The following CNTN3 variants were observed in gnomAD, a reference collection of about 807,000 sequenced individuals.
The protein encoded by CNTN3 is contactin-3.
Under a neutral mutation model 119.1 loss-of-function variants are expected in CNTN3, and 60 were observed. The observed-to-expected ratio is 0.50, with a 90% CI of 0.41 to 0.62. The LOEUF is 0.62. CNTN3 is among the 20% of genes least tolerant of loss of function. The probability of loss-of-function intolerance (pLI) is 0.00; values close to 1 mark genes in which losing one functional copy is unlikely to be tolerated. For missense variants in CNTN3, 1,101 were observed against 1,242.4 expected, an observed-to-expected ratio of 0.89 and a Z score of 1.71; for synonymous variants, 450 against 438.7, an observed-to-expected ratio of 1.03 and a Z score of -0.32.
chr3:74,301,355 A>G, intron 16 of CNTN3, 43 bp downstream of exon 16: 3 of 1,589,154 alleles, frequency 1.9e-6, no homozygotes, highest in Non-Finnish European at 2.6e-6. Flanking sequence ...ATGGAAGTAC[A>G]CAGAAATCTA....
chr3:74,453,951 T>G (rs540612614), intron 4 of CNTN3, among the ~76,000 whole-genome samples: 1 of 151,942 alleles, frequency 6.6e-6, no homozygotes, highest in Non-Finnish European at 1.5e-5. Flanking sequence ...AATTTTGGAA[T>G]AGGTGTGGTG....
chr3:74,545,296 G>C (rs1014612108), intron 1 of CNTN3, among the ~76,000 whole-genome samples: 1 of 152,066 alleles, frequency 6.6e-6, no homozygotes, highest in Non-Finnish European at 1.5e-5. Flanking sequence ...GCCAATTTAG[G>C]CTCTTCAAAA....
At chr3:74,546,059 G>C (rs1315023731) in intron 1 of CNTN3, among the ~76,000 whole-genome samples, 1 of 151,652 alleles carries the variant, frequency 6.6e-6, no homozygotes, top group Non-Finnish European at 1.5e-5. Flanking sequence ...GCAGTGGCGC[G>C]ATCTCGGCTC....
At chr3:74,358,776 A>G (rs1704007440) in intron 11 of CNTN3, among the ~76,000 whole-genome samples, 1 of 100,550 alleles carries the variant, frequency 9.9e-6, no homozygotes, top group African/African-American at 4.0e-5. Flanking sequence ...CCACCCCACA[A>G]CAGTCCCCAG....
chr3:74,304,115 A>G (rs1366608461), intron 13 of CNTN3, among the ~76,000 whole-genome samples: 2 of 152,166 alleles, frequency 1.3e-5, no homozygotes, highest in African/African-American at 4.8e-5. Context: ...ATTGCTTCCC[A>G]TCTTTAGGAT....
At chr3:74,438,195 T>C (rs1187563341) in intron 4 of CNTN3, among the ~76,000 whole-genome samples, 1 of 152,182 alleles carries the variant, frequency 6.6e-6, no homozygotes, top group Non-Finnish European at 1.5e-5. Context: ...TTTTTAATAG[T>C]GTAGATTAAA....
intron 3 of CNTN3, among the ~76,000 whole-genome samples, chr3:74,496,918 A>G (rs935243018): frequency 2.6e-5 from 4 of 152,030 alleles, no homozygotes; most frequent in African/African-American, 9.7e-5. Context: ...ATAAAAACAA[A>G]GACAAGATCA....
rs1309672196 is a variant in CNTN3 at position 74,278,743 on chromosome 3, CAA to C, written c.2704+6560_2704+6561del. ...AACCCAAAAGCAAATGCAATAAAAA[CAA>C]GGATAAACAGCTGGAACTTAATTAA... On this transcript the variant is annotated intron_variant, in intron 20 of 22. Coordinates refer to ENST00000263665, the MANE Select transcript of CNTN3 (RefSeq NM_020872.3). Among the ~76,000 whole-genome samples the C allele has an allele frequency of 2.0e-5, 3 of 152,064 alleles. No individual in the cohort carries two copies. In the East Asian group the frequency reaches 5.8e-4, roughly 29 times the overall value.
At chr3:74,391,514 C>G (rs1003587381) in intron 5 of CNTN3, among the ~76,000 whole-genome samples, 3 of 149,148 alleles carry the variant, frequency 2.0e-5, no homozygotes, top group African/African-American at 7.5e-5. Flanking sequence ...AAATTAAATG[C>G]TCAATAAATG....
chr3:74,509,489 G>A lies in CNTN3; in HGVS notation c.56-9704C>T, dbSNP rs1703325755. Among the ~76,000 whole-genome samples, 4 of 152,178 alleles carry A rather than the reference G, an allele frequency of 2.6e-5. No homozygotes were observed. The South Asian group carries it at 8.3e-4, about 32-fold the overall frequency. On this transcript the variant is annotated intron_variant, in intron 2 of 22. Coordinates refer to ENST00000263665, the MANE Select transcript of CNTN3 (RefSeq NM_020872.3). ...ATTTTTGTATTTTTAGTAGAGACGG[G>A]GTTTCGCCATGTTGGCCAGGCTGGT...
chr3:74,413,913 C>T (rs1319926472), intron 5 of CNTN3, among the ~76,000 whole-genome samples: 1 of 152,294 alleles, frequency 6.6e-6, no homozygotes, highest in Non-Finnish European at 1.5e-5. Context: ...GACAGAGCAA[C>T]AGTCACAGGC....
intron 2 of CNTN3, among the ~76,000 whole-genome samples, chr3:74,500,189 T>G (rs781019223): frequency 1.8e-4 from 28 of 152,056 alleles, no homozygotes; most frequent in Non-Finnish European, 3.7e-4. Flanking sequence ...CGGCTTGGCA[T>G]GCAAACCTTA....
At chr3:74,441,339 A>C (rs1186975653) in intron 4 of CNTN3, among the ~76,000 whole-genome samples, 9 of 152,214 alleles carry the variant, frequency 5.9e-5, no homozygotes, top group Non-Finnish European at 1.3e-4. Flanking sequence ...CATCGCTATC[A>C]GTATACCTCT....
At chr3:74,511,136 T>C (rs377570720) in intron 2 of CNTN3, among the ~76,000 whole-genome samples, 1 of 152,108 alleles carries the variant, frequency 6.6e-6, no homozygotes, top group Admixed American at 6.6e-5. Flanking sequence ...TTAAATTGAA[T>C]GGCTTCATTT....
At chr3:74,406,081 C>T (rs76412386) in intron 5 of CNTN3, among the ~76,000 whole-genome samples, 2,206 of 152,082 alleles carry the variant, frequency 0.015, 48 homozygotes, top group African/African-American at 0.05. Flanking sequence ...CGTTATAATG[C>T]TATGAGTGTC....
chr3:74,423,560 A>G (rs1005494795), intron 5 of CNTN3, among the ~76,000 whole-genome samples: 1 of 152,116 alleles, frequency 6.6e-6, no homozygotes, highest in African/African-American at 2.4e-5. Context: ...GTAAAACCTC[A>G]CAGTGCTACC....
chr3:74,390,865 AC>A (rs1357553277), intron 5 of CNTN3, among the ~76,000 whole-genome samples: 10 of 152,200 alleles, frequency 6.6e-5, no homozygotes, highest in Non-Finnish European at 7.3e-5. Flanking sequence ...AGAGGTTAAT[AC>A]AGGCAAAAAG....
intron 8 of CNTN3, among the ~76,000 whole-genome samples, chr3:74,366,807 T>TATATATATATATATATATATAA (rs1287883934): frequency 7.5e-6 from 1 of 132,676 alleles, no homozygotes; most frequent in African/African-American, 2.7e-5. Context: ...TATATATATA[T>TATATATATATATATATATATAA]AACTTGCTCA....
intron 13 of CNTN3, among the ~76,000 whole-genome samples, chr3:74,330,883 A>G (rs1249610587): frequency 6.6e-6 from 1 of 152,192 alleles, no homozygotes; most frequent in African/African-American, 2.4e-5. Context: ...GCTTATCCTT[A>G]TTGACTAAGG....
Sources: gnomAD v4.1 joint callset for allele counts (sites outside exome capture counted in the v4.1 genomes callset) on GRCh38, gnomAD v4.1.1 for gene constraint, MANE v1.5 for transcripts, NCBI Gene and HGNC (gene_info 2026-07-23, HGNC 2026-07-21) for gene names.